DCAF6: variants seen among roughly 807,000 people sequenced by gnomAD.
The protein encoded by DCAF6 is DDB1- and CUL4-associated factor 6.
DCAF6 carries 54 observed loss-of-function variants against 125.1 expected under a neutral mutation model. That is an observed-to-expected ratio of 0.43 (90% CI 0.35 to 0.54). The LOEUF (loss-of-function observed/expected upper bound fraction) is 0.54, where lower values mean the gene tolerates loss of function less well. Ranked by LOEUF, DCAF6 falls within the 20% of genes least tolerant of loss-of-function variation. The pLI, the probability that DCAF6 is intolerant of heterozygous loss-of-function variation, is 0.01. For missense variants in DCAF6, 934 were observed against 1,161.7 expected (o/e 0.80, Z 2.85); for synonymous variants, 371 against 390.4 (o/e 0.95, Z 0.58).
chr1:168,001,157 G>C (rs1682553263), intron 7 of DCAF6, among the ~76,000 whole-genome samples: 1 of 151,942 alleles, frequency 6.6e-6, no homozygotes, highest in African/African-American at 2.4e-5. Context: ...TAAAACAGCT[G>C]GTTGTGGTGG....
At chr1:167,938,212 T>A (rs1208813936) in intron 1 of DCAF6, among the ~76,000 whole-genome samples, 2 of 152,058 alleles carry the variant, frequency 1.3e-5, no homozygotes, top group African/African-American at 4.8e-5. Context: ...TTCCAGACCT[T>A]TTTGTTTGCA....
intron 10 of DCAF6, among the ~76,000 whole-genome samples, chr1:168,015,213 G>T (rs1684801642): frequency 6.6e-6 from 1 of 152,046 alleles, no homozygotes; most frequent in Non-Finnish European, 1.5e-5. Flanking sequence ...AGAAAATATT[G>T]ATTATGTAAA....
At chr1:168,036,775 AT>A (rs1227552458) in intron 12 of DCAF6, among the ~76,000 whole-genome samples, 1 of 152,218 alleles carries the variant, frequency 6.6e-6, no homozygotes, top group Non-Finnish European at 1.5e-5. Context: ...ACTGAATGTA[AT>A]ACTAAATCTT....
the DCAF6 span, chr1:167,893,845 G>T: frequency 6.3e-7 from 1 of 1,595,226 alleles, no homozygotes; most frequent in South Asian, 1.1e-5. Context: ...ATTCAATTTT[G>T]AAAATACCTG....
chr1:167,946,292 C>T lies in DCAF6; in HGVS notation c.98-5508C>T, dbSNP rs112940637. The stretch of plus-strand genomic sequence containing the variant: ...TTTTGTGGGGAGTCTTTAGGTTTTT[C>T]TAGATATAAGATCATATCATCAGGA... On this transcript the variant is annotated intron_variant, in intron 1 of 21. Transcript: ENST00000367840. Among the ~76,000 whole-genome samples, 447 of 152,196 alleles carry T rather than the reference C, an allele frequency of 2.9e-3. 1 individual carries two copies. The highest frequency in any genetic ancestry group is 0.01 in the African/African-American group (425 of 41,540).
At chr1:168,003,050 T>C (rs1682860177) in intron 8 of DCAF6, among the ~76,000 whole-genome samples, 1 of 152,172 alleles carries the variant, frequency 6.6e-6, no homozygotes, top group African/African-American at 2.4e-5. Context: ...ATTATAATTC[T>C]ATATTATTAT....
At chr1:167,892,888 A>G in the DCAF6 span, among the ~76,000 whole-genome samples, 1 of 152,188 alleles carries the variant, frequency 6.6e-6, no homozygotes, top group Non-Finnish European at 1.5e-5. Flanking sequence ...AATCCTAGCT[A>G]TATCTTTTAC....
At chr1:167,989,647 C>T (rs1028547391) in intron 5 of DCAF6, among the ~76,000 whole-genome samples, 1 of 152,180 alleles carries the variant, frequency 6.6e-6, no homozygotes, top group Admixed American at 6.5e-5. Flanking sequence ...CTTTGGGAGG[C>T]TGAGGCGGGC....
chr1:167,964,140 T>G (rs182995816), intron 2 of DCAF6, among the ~76,000 whole-genome samples: 67 of 152,250 alleles, frequency 4.4e-4, no homozygotes, highest in Non-Finnish European at 7.5e-4. Flanking sequence ...CCTTCAGTGC[T>G]CCTTCTTTCT....
chr1:168,035,972 G>T (rs1226852062), intron 12 of DCAF6, among the ~76,000 whole-genome samples: 1 of 152,134 alleles, frequency 6.6e-6, no homozygotes, highest in Non-Finnish European at 1.5e-5. Flanking sequence ...TGAGGCAGGA[G>T]AATTGCTGGA....
chr1:167,892,649 G>A, the DCAF6 span, among the ~76,000 whole-genome samples: 1 of 152,180 alleles, frequency 6.6e-6, no homozygotes, highest in Non-Finnish European at 1.5e-5. Flanking sequence ...GTCAAGCAAT[G>A]CAGGCACTAG....
Position 168,075,442 on chromosome 1 carries a change from CTT to C in DCAF6, c.*11_*12del. The stretch of plus-strand genomic sequence containing the variant: ...AAATGAGGATGAGGAATAATAAACT[CTT>C]TTTGGCAAGCACTTAAATGTTCTGA... On this transcript the variant is annotated 3_prime_UTR_variant, in exon 22 of 22. Coordinates refer to ENST00000367840, the MANE Select transcript of DCAF6 (RefSeq NM_001198956.2). 6.3e-7 allele frequency: 1 copy of C among 1,589,554 alleles called. No individual in the cohort carries two copies. The highest frequency in any genetic ancestry group is 8.5e-7 in the Non-Finnish European group (1 of 1,172,818).
chr1:167,872,591 T>C, the DCAF6 span, among the ~76,000 whole-genome samples: 16 of 151,860 alleles, frequency 1.1e-4, no homozygotes, highest in African/African-American at 3.9e-4. Context: ...TTATTTATTA[T>C]AGTTTTGTTG....
intron 5 of DCAF6, among the ~76,000 whole-genome samples, chr1:167,988,224 AATCCTAG>A (rs1182963421): frequency 6.6e-6 from 1 of 152,102 alleles, no homozygotes; most frequent in Non-Finnish European, 1.5e-5. Context: ...GCAGTGGTGC[AATCCTAG>A]CTCACTGCAG....
At chr1:168,055,074 C>CA (rs1177203073) in intron 17 of DCAF6, among the ~76,000 whole-genome samples, 1 of 151,968 alleles carries the variant, frequency 6.6e-6, no homozygotes, top group Admixed American at 6.5e-5. Flanking sequence ...TCCAATGAAC[C>CA]ATAAATACAT....
chr1:167,870,724 G>A, the DCAF6 span, among the ~76,000 whole-genome samples: 2 of 150,774 alleles, frequency 1.3e-5, no homozygotes, highest in South Asian at 4.2e-4. Flanking sequence ...TAAGAGAATT[G>A]CTTGAACCCA....
the DCAF6 span, among the ~76,000 whole-genome samples, chr1:167,871,801 G>A: frequency 6.6e-6 from 1 of 152,252 alleles, no homozygotes; most frequent in Non-Finnish European, 1.5e-5. Flanking sequence ...TTAGCAGACT[G>A]TATTGCTTCT....
intron 2 of DCAF6, among the ~76,000 whole-genome samples, chr1:167,960,680 A>G (rs1171527484): frequency 6.6e-6 from 1 of 152,184 alleles, no homozygotes; most frequent in African/African-American, 2.4e-5. Context: ...TTGTGGTCTA[A>G]GAGTAGACAC....
chr1:167,942,351 G>A (rs371933696), intron 1 of DCAF6, among the ~76,000 whole-genome samples: 5 of 152,092 alleles, frequency 3.3e-5, no homozygotes, highest in African/African-American at 7.2e-5. Context: ...AGCATGAGCC[G>A]CTGCGCCTGG....
Sources: allele counts gnomAD v4.1 joint callset (sites outside exome capture counted in the v4.1 genomes callset), GRCh38; gene constraint gnomAD v4.1.1; transcripts MANE v1.5; gene names NCBI Gene and HGNC (gene_info 2026-07-23, HGNC 2026-07-21).